Variants in POLR1C observed in about 807,000 individuals in gnomAD.
POLR1C encodes DNA-directed RNA polymerases I and III subunit RPAC1.
In POLR1C, 42 loss-of-function variants were observed where a neutral mutation model predicts 38.3. The observed-to-expected ratio is 1.10, with a 90% confidence interval of 0.86 to 1.42. The LOEUF (loss-of-function observed/expected upper bound fraction) is 1.42. Ranked by LOEUF, POLR1C falls within the 40% of genes most tolerant of loss-of-function variation. POLR1C has a pLI of 0.00. For missense variants in POLR1C, 507 were observed against 450.5 expected, an observed-to-expected ratio of 1.13 and a Z score of -1.14; for synonymous variants, 163 against 163.9, an observed-to-expected ratio of 0.99 and a Z score of 0.04.
In POLR1C at chr6:43,520,932, G is replaced by A. The variant is rs781119795; in HGVS notation, c.806G>A (p.Gly269Asp). ...AAAAAACATGGTTTGTTCTCATTAG[G>A]TAAAAAGGTGGCCAGAGTTGCCAAC... ...PGVIEVQEVQ[G>D]KKVARVANPR... Residue 269 changes from glycine to aspartate, a missense_variant and splice_region_variant, in exon 8 of 9, where the codon GGT (glycine) becomes GAT (aspartate). Physicochemically the swap from Gly to Asp is moderately conservative, Grantham distance 94. Coordinates refer to ENST00000642195, the MANE Select transcript of POLR1C (RefSeq NM_203290.4). 2.5e-6 allele frequency: 4 copies of A among 1,613,700 alleles called. No individual in the cohort carries two copies. The highest frequency in any genetic ancestry group is 2.2e-5 in the South Asian group (2 of 91,080).
At chr6:43,529,097 C>A in intron 8 of POLR1C, 1 of 1,034,624 alleles carries the variant, frequency 9.7e-7, no homozygotes, top group Non-Finnish European at 1.4e-6. Context: ...TCCTAAATGG[C>A]ACTGATATTG....
Position 43,517,097 on chromosome 6 carries a change from G to A in POLR1C, c.-13G>A, listed in dbSNP as rs1561855472. The A allele has an allele frequency of 6.2e-7, 1 of 1,613,894 alleles. No individual in the cohort carries two copies. The highest frequency in any genetic ancestry group is 1.7e-5 in the Admixed American group (1 of 60,030). ...CGCGAGATAGAACCTCTAGTCTCGTGGAGAGATTGAAGATGGCGGCTTCTC... is the reference window on the plus strand; with the variant it reads ...CGCGAGATAGAACCTCTAGTCTCGTAGAGAGATTGAAGATGGCGGCTTCTC... On this transcript the variant is annotated 5_prime_UTR_variant, in exon 1 of 9. Transcript: ENST00000642195.
Position 43,520,063 on chromosome 6 carries a change from C to T in POLR1C, c.383-3C>T. On this transcript the variant is annotated splice_region_variant and splice_polypyrimidine_tract_variant and intron_variant, in intron 4 of 8. Transcript: ENST00000642195. ...TTCTTAGGAGCTCCCTCCATTTGTG[C>T]AGGAGATGAAGAAGGCACAGAGATA... The T allele has an allele frequency of 6.2e-7, 1 of 1,614,056 alleles. No homozygotes were observed. Among genetic ancestry groups the T allele is most frequent in the Non-Finnish European group, 8.5e-7 (1 of 1,179,962 alleles).
At chr6:43,537,155 T>C (rs1030982427) in intron 9 of POLR1C, among the ~76,000 whole-genome samples, 10 of 151,630 alleles carry the variant, frequency 6.6e-5, no homozygotes, top group Non-Finnish European at 1.3e-4. Flanking sequence ...TTTTTTTTTT[T>C]TGTAGAGAAA....
At chr6:43,537,772 A>T (rs1379589872) in intron 9 of POLR1C, among the ~76,000 whole-genome samples, 1 of 152,228 alleles carries the variant, frequency 6.6e-6, no homozygotes, top group East Asian at 1.9e-4. Flanking sequence ...AAATAAATTG[A>T]AAAGAAAAAG....
chr6:43,535,976 A>G (rs1794296294), intron 9 of POLR1C, among the ~76,000 whole-genome samples: 1 of 151,316 alleles, frequency 6.6e-6, no homozygotes, highest in Non-Finnish European at 1.5e-5. Flanking sequence ...TATAAAAATT[A>G]GACGAGTATG....
chr6:43,519,769 A>T lies in POLR1C; in HGVS notation c.313A>T (p.Ile105Phe), dbSNP rs770637715. The change falls in exon 4 of 9, where the codon ATT (isoleucine) becomes TTT (phenylalanine). Residue 105 changes from isoleucine to phenylalanine, a missense_variant. Ile to Phe is a conservative substitution (Grantham distance 21, BLOSUM62 0). Coordinates refer to ENST00000642195, the MANE Select transcript of POLR1C (RefSeq NM_203290.4). ...YNNTSIVQDEILAHRLGLIPI... is the reference protein window; with the variant it reads ...YNNTSIVQDEFLAHRLGLIPI... Reference sequence around the variant, plus strand: ...TAATACATCCATTGTTCAGGATGAGATTCTTGCTCACCGTCTGGGGCTCAT... The same window carrying T: ...TAATACATCCATTGTTCAGGATGAGTTTCTTGCTCACCGTCTGGGGCTCAT... 4 of 1,614,106 alleles carry T rather than the reference A, an allele frequency of 2.5e-6. No homozygotes were observed. The highest frequency in any genetic ancestry group is 3.4e-6 in the Non-Finnish European group (4 of 1,180,006).
chr6:43,553,621 T>C (rs1582229007), intron 10 of POLR1C: 1 of 1,442,328 alleles, frequency 6.9e-7, no homozygotes, highest in Admixed American at 2.6e-5. Flanking sequence ...GAGAATTTCA[T>C]GATTGAAGGA....
intron 10 of POLR1C, among the ~76,000 whole-genome samples, chr6:43,552,677 T>C (rs1487539065): frequency 1.3e-5 from 2 of 152,216 alleles, no homozygotes; most frequent in East Asian, 3.8e-4. Context: ...GGTTCTCCTC[T>C]ATACATTATT....
Position 43,520,093 on chromosome 6 carries a change from C to A in POLR1C, c.410C>A (p.Thr137Asn). The change falls in exon 5 of 9, where the codon ACT (threonine) becomes AAT (asparagine). Residue 137 changes from threonine to asparagine, a missense_variant. Physicochemically the swap from Thr to Asn is moderately conservative, Grantham distance 65. Transcript: ENST00000642195. Reference sequence around the variant, plus strand: ...GATGAAGAAGGCACAGAGATAGATACTCTACAGTTTCGTCTCCAGGTCAGA... The same window carrying A: ...GATGAAGAAGGCACAGAGATAGATAATCTACAGTTTCGTCTCCAGGTCAGA... ...QGDEEGTEID[T>N]LQFRLQVRCT... 1.2e-6 allele frequency: 2 copies of A among 1,614,220 alleles called. No homozygotes were observed. Among genetic ancestry groups the A allele is most frequent in the Non-Finnish European group, 1.7e-6 (2 of 1,180,022 alleles).
downstream of POLR1C, chr6:43,525,737 A>G: frequency 1.7e-6 from 2 of 1,207,774 alleles, no homozygotes; most frequent in Non-Finnish European, 2.3e-6. Flanking sequence ...GTAACAAAGG[A>G]GTATTACAAA....
At chr6:43,549,943 G>A (rs1455064790) in intron 9 of POLR1C, 1 of 1,611,826 alleles carries the variant, frequency 6.2e-7, no homozygotes, top group Non-Finnish European at 8.5e-7. Flanking sequence ...AGCTAAGGGA[G>A]AGGAGGAAAA....
At chr6:43,539,653 AG>A in intron 9 of POLR1C, 1 of 1,180,014 alleles carries the variant, frequency 8.5e-7, no homozygotes, top group Non-Finnish European at 1.2e-6. Context: ...TCCCCATCCC[AG>A]GGCCACCAGG....
intron 10 of POLR1C, among the ~76,000 whole-genome samples, chr6:43,557,369 T>C (rs1471575206): frequency 1.3e-5 from 2 of 151,302 alleles, no homozygotes; most frequent in East Asian, 3.9e-4. Flanking sequence ...GAGGTTGCAG[T>C]GAGCCGAGAT....
At chr6:43,555,856 A>G (rs747314651) in intron 10 of POLR1C, 1 of 1,613,980 alleles carries the variant, frequency 6.2e-7, no homozygotes, top group Admixed American at 1.7e-5. Flanking sequence ...ACCAGCATCA[A>G]GAAAAGTTGA....
intron 9 of POLR1C, among the ~76,000 whole-genome samples, chr6:43,543,270 T>C (rs1466307331): frequency 2.6e-5 from 4 of 152,018 alleles, no homozygotes; most frequent in Non-Finnish European, 4.4e-5. Flanking sequence ...CTCAGCAACA[T>C]AGAGAGAACC....
At chr6:43,548,475 GA>G in intron 9 of POLR1C, 3 of 1,509,992 alleles carry the variant, frequency 2.0e-6, no homozygotes, top group Non-Finnish European at 1.8e-6. Context: ...AGATCAAAAA[GA>G]AAAAAAGCCA....
At position 43,520,138 on chromosome 6, in the gene POLR1C, C is replaced by T. The variant is rs1172478095; in HGVS notation, c.455C>T (p.Ala152Val). The change falls in exon 5 of 9, where the codon GCT becomes GTT. Residue 152 changes from alanine to valine, a missense_variant. By Grantham distance (64) the Ala-to-Val change is moderately conservative. Coordinates refer to ENST00000642195, the MANE Select transcript of POLR1C (RefSeq NM_203290.4). ...LQVRCTRNPH[A>V]AKDSSDPNEL... ...GTCAGATGCACTCGGAACCCCCATG[C>T]TGCTAAAGATTCCTCTGACCCCAAC... is the stretch of plus-strand genomic sequence containing the variant. 1.2e-6 allele frequency: 2 copies of T among 1,614,222 alleles called. No homozygotes were observed. The highest frequency in any genetic ancestry group is 1.7e-6 in the Non-Finnish European group (2 of 1,180,040).
intron 9 of POLR1C, among the ~76,000 whole-genome samples, chr6:43,545,442 C>T (rs1220276745): frequency 6.6e-6 from 1 of 152,036 alleles, no homozygotes; most frequent in Non-Finnish European, 1.5e-5. Flanking sequence ...TGTGGTGGCT[C>T]ACTCCTGGAG....
Sources: allele counts gnomAD v4.1 joint callset (sites outside exome capture counted in the v4.1 genomes callset), GRCh38; gene constraint gnomAD v4.1.1; transcripts MANE v1.5; gene names NCBI Gene and HGNC (gene_info 2026-07-23, HGNC 2026-07-21).